Variants in KALRN observed in about 807,000 individuals in gnomAD.
KALRN encodes kalirin RhoGEF kinase, also known as kalirin.
Under a neutral mutation model 353.7 loss-of-function variants are expected in KALRN, and 70 were observed. The observed-to-expected ratio is 0.20, with a 90% CI of 0.16 to 0.24. KALRN has a LOEUF of 0.24. Among genes scored for constraint, KALRN ranks in the 10% least tolerant of loss-of-function variants. The pLI is 1.00. For synonymous variants in KALRN, 1,391 were observed against 1,434.8 expected, an observed-to-expected ratio of 0.97 and a Z score of 0.69; for missense variants, 2,791 against 3,756.7, an observed-to-expected ratio of 0.74 and a Z score of 6.72.
chr3:124,295,066 C>T (rs192041558), intron 5 of KALRN, among the ~76,000 whole-genome samples: 3 of 152,350 alleles, frequency 2.0e-5, no homozygotes. Context: ...GCCTCTGCAG[C>T]CAGTTCCACT....
rs572690838 is a variant in KALRN, at chr3:124,251,474, A to G, written c.264-13024A>G. Among the ~76,000 whole-genome samples, 9 of 149,172 alleles carry G rather than the reference A, an allele frequency of 6.0e-5. No homozygotes were observed. In the East Asian group the frequency reaches 1.6e-3, roughly 26 times the overall value. On this transcript the variant is annotated intron_variant, in intron 3 of 59. Transcript: ENST00000682506. The stretch of plus-strand genomic sequence containing the variant: ...CACCTCCACCTTCTGGGCTCAAGCT[A>G]TCCTCCCACCTCAGCCTCCCTAGTA...
intron 5 of KALRN, among the ~76,000 whole-genome samples, chr3:124,286,120 T>TTTCTTTCTTTCC: frequency 1.3e-5 from 2 of 149,344 alleles, no homozygotes; most frequent in Non-Finnish European, 3.0e-5. Flanking sequence ...TCTTTCTTTC[T>TTTCTTTCTTTCC]TTCTTTCTTT....
chr3:124,110,923 G>A (rs1158275351), intron 1 of KALRN, among the ~76,000 whole-genome samples: 1 of 152,180 alleles, frequency 6.6e-6, no homozygotes, highest in Non-Finnish European at 1.5e-5. Flanking sequence ...CAAAAGCACA[G>A]CTTAGTTTTG....
intron 5 of KALRN, among the ~76,000 whole-genome samples, chr3:124,289,202 C>T (rs2076212946): frequency 6.6e-6 from 1 of 152,126 alleles, no homozygotes; most frequent in Admixed American, 6.5e-5. Context: ...CTTTGATGAC[C>T]TCATCTAATC....
intron 34 of KALRN, among the ~76,000 whole-genome samples, chr3:124,603,260 T>C (rs940079958): frequency 6.6e-6 from 1 of 152,188 alleles, no homozygotes; most frequent in African/African-American, 2.4e-5. Flanking sequence ...TCTCCTAAAA[T>C]AGTATTGACT....
chr3:124,130,969 G>A lies in KALRN; in HGVS notation c.74-97021G>A, dbSNP rs532976341. ...AATAGCTATTCTTGACTGGAAGGGG[G>A]CATGAGGGAGCCTTCTGGGTAGCTG... On this transcript the variant is annotated intron_variant, in intron 1 of 59. Coordinates refer to ENST00000682506, the MANE Select transcript of KALRN (RefSeq NM_001388419.1). Among the ~76,000 whole-genome samples the A allele has an allele frequency of 2.0e-5, 3 of 152,294 alleles. No homozygotes were observed. In the East Asian group the frequency reaches 5.8e-4, roughly 29 times the overall value.
chr3:124,257,665 G>A (rs1175966277), intron 3 of KALRN, among the ~76,000 whole-genome samples: 1 of 152,158 alleles, frequency 6.6e-6, no homozygotes, highest in Admixed American at 6.5e-5. Context: ...CCTGGCCAAG[G>A]GGGCCTCAGG....
rs1436645532 is a variant in KALRN at position 124,491,418 on chromosome 3, G to A, written c.4683G>A (p.Val1561=). 8.1e-6 allele frequency: 13 copies of A among 1,599,462 alleles called. No homozygotes were observed. Among genetic ancestry groups the A allele is most frequent in the Non-Finnish European group, 1.0e-5 (12 of 1,172,568 alleles). The change falls in exon 31 of 60, where the codon GTG becomes GTA. Residue 1561 remains valine (V), a synonymous_variant. Transcript: ENST00000682506. ...GRTPSSDNKT[V]LKASNIETKQ... is the part of the protein sequence containing the mutation. ...CCCCATCCTCAGACAATAAAACAGT[G>A]CTGAAAGTAAGTACTGCTCTCTGCT...
chr3:124,050,879 CT>C (rs1391771493), intron 1 of KALRN, among the ~76,000 whole-genome samples: 6 of 152,192 alleles, frequency 3.9e-5, no homozygotes, highest in Non-Finnish European at 4.4e-5. Context: ...GACGCTTTCT[CT>C]TTGCCTGCTG....
intron 33 of KALRN, among the ~76,000 whole-genome samples, chr3:124,561,148 C>G (rs558552076): frequency 1.3e-5 from 2 of 152,154 alleles, no homozygotes. Flanking sequence ...TGTAAAAGTA[C>G]TCTAGAGATT....
At chr3:124,268,151 G>A (rs370218535) in intron 4 of KALRN, among the ~76,000 whole-genome samples, 3 of 152,094 alleles carry the variant, frequency 2.0e-5, no homozygotes, top group South Asian at 2.1e-4. Context: ...TCTCCAGTCC[G>A]CTCTCCAGGA....
intron 1 of KALRN, chr3:124,094,255 G>A (rs2061293992): frequency 6.3e-6 from 1 of 158,554 alleles, no homozygotes; most frequent in Non-Finnish European, 1.4e-5. Context: ...TAGGGAAAAA[G>A]GATCTGTGGC....
At chr3:124,394,745 A>G (rs2089947266) in intron 11 of KALRN, among the ~76,000 whole-genome samples, 2 of 152,216 alleles carry the variant, frequency 1.3e-5, no homozygotes, top group South Asian at 4.1e-4. Context: ...TCTAGGAATC[A>G]ATGTGCACAG....
intron 13 of KALRN, among the ~76,000 whole-genome samples, chr3:124,406,587 C>G (rs1007952220): frequency 6.6e-6 from 1 of 152,136 alleles, no homozygotes; most frequent in African/African-American, 2.4e-5. Flanking sequence ...CAATTGATAA[C>G]CCAGGTATGT....
chr3:124,494,387 G>T (rs941087117), intron 32 of KALRN, among the ~76,000 whole-genome samples: 19 of 152,200 alleles, frequency 1.2e-4, no homozygotes, highest in African/African-American at 4.1e-4. Flanking sequence ...ACCTGGAGTG[G>T]ACCAGAAGGG....
Position 124,334,583 on chromosome 3 carries a change from G to C in KALRN, c.1647+88G>C. The C allele has an allele frequency of 8.3e-6, 7 of 843,304 alleles. No individual in the cohort carries two copies. Among genetic ancestry groups the C allele is most frequent in the Non-Finnish European group, 7.5e-6 (4 of 532,090 alleles). 52.2% of individuals were successfully genotyped at this position (843,304 alleles called of 1,614,324 possible). A position where few individuals can be genotyped will look rare whatever the true frequency, so the allele number is the denominator to read the frequency against. ...CTGACCTAGGTGATCAGGCTTAGGA[G>C]AGCCCAGATTTATAGAAGGACATAA... On this transcript the variant is annotated intron_variant, in intron 9 of 59. Transcript: ENST00000682506. This position sits in a 1 kb window ranked among gnomAD's most constrained non-coding sequence, Gnocchi z 4.2.
intron 45 of KALRN, among the ~76,000 whole-genome samples, chr3:124,663,194 G>A (rs940042961): frequency 6.6e-6 from 1 of 152,116 alleles, no homozygotes; most frequent in Non-Finnish European, 1.5e-5. Context: ...TGATCCGCCC[G>A]CCTCGGCCTC....
intron 10 of KALRN, among the ~76,000 whole-genome samples, chr3:124,383,036 C>T (rs1481130315): frequency 3.3e-5 from 5 of 152,162 alleles, no homozygotes; most frequent in South Asian, 2.1e-4. Context: ...GTGATTTTTC[C>T]TCTTTTTCAA....
chr3:124,310,545 A>T (rs945627596), intron 6 of KALRN, among the ~76,000 whole-genome samples: 1 of 152,220 alleles, frequency 6.6e-6, no homozygotes, highest in Admixed American at 6.5e-5. Flanking sequence ...AGACAATGTG[A>T]TACTGGCATA....
Sources: allele counts gnomAD v4.1 joint callset (sites outside exome capture counted in the v4.1 genomes callset), GRCh38; gene constraint gnomAD v4.1.1; non-coding constraint Gnocchi (gnomAD v3.1); transcripts MANE v1.5; gene names NCBI Gene and HGNC (gene_info 2026-07-23, HGNC 2026-07-21).